GRIA2: variants seen among roughly 807,000 people sequenced by gnomAD.
GRIA2 encodes glutamate receptor 2.
A neutral mutation model predicts 97.3 loss-of-function variants in GRIA2; 14 were observed. The observed-to-expected ratio is 0.14, with a 90% CI of 0.10 to 0.23. GRIA2 has a LOEUF of 0.23. Ranked by LOEUF, GRIA2 falls within the 10% of genes least tolerant of loss-of-function variation. The pLI, the probability that GRIA2 is intolerant of heterozygous loss-of-function variation, is 1.00. For missense variants in GRIA2, 558 were observed against 1,069.8 expected, an observed-to-expected ratio of 0.52 and a Z score of 6.67; for synonymous variants, 412 against 387.8, an observed-to-expected ratio of 1.06 and a Z score of -0.73.
At position 157,341,265 on chromosome 4, in the gene GRIA2, T is replaced by A; in HGVS notation, c.1846T>A (p.Ser616Thr). 6.2e-7 allele frequency: 1 copy of A among 1,605,610 alleles called. No individual in the cohort carries two copies. The highest frequency in any genetic ancestry group is 8.5e-7 in the Non-Finnish European group (1 of 1,172,588). ...AATCCATTTCATACTTGTTATTAGA[T>A]CCCTCTCTGGGCGCATTGTTGGAGG... ...MQQGCDISPR[S>T]LSGRIVGGVW... Residue 616 changes from serine (S) to threonine (T), a missense_variant and splice_region_variant, in exon 12 of 16, where the codon TCC (serine) becomes ACC (threonine). Ser to Thr is a moderately conservative substitution (Grantham distance 58, BLOSUM62 1). Transcript: ENST00000264426.
intron 2 of GRIA2, chr4:157,249,970 G>A (rs1004396346): frequency 1.1e-4 from 16 of 152,002 alleles, no homozygotes; most frequent in Non-Finnish European, 1.6e-4. Context: ...ATTATATATT[G>A]TTTTTATTTT....
intron 2 of GRIA2, among the ~76,000 whole-genome samples, chr4:157,267,502 A>C (rs1210203656): frequency 6.6e-6 from 1 of 151,558 alleles, no homozygotes; most frequent in East Asian, 1.9e-4. Flanking sequence ...CATTTTTGTT[A>C]TTAAAGACCT....
chr4:157,296,527 T>G (rs1485389053), intron 2 of GRIA2, among the ~76,000 whole-genome samples: 1 of 152,154 alleles, frequency 6.6e-6, no homozygotes, highest in East Asian at 1.9e-4. Flanking sequence ...TAATTTATAA[T>G]TTTTTCCAGT....
chr4:157,305,162 C>A (rs1733788507), intron 3 of GRIA2, among the ~76,000 whole-genome samples: 1 of 151,980 alleles, frequency 6.6e-6, no homozygotes, highest in South Asian at 2.1e-4. Flanking sequence ...TTTAGTTTTT[C>A]CTCTTGTTCT....
rs1011340853 is a variant in GRIA2 at position 157,294,510 on chromosome 4, G to A, written c.230-9042G>A. ...GGAAAGAAGAAATATAAAACAAAGA[G>A]GAAGAAATGTAAAACAAAGAGGAAG... On this transcript the variant is annotated intron_variant, in intron 2 of 15. Coordinates refer to ENST00000264426, the MANE Select transcript of GRIA2 (RefSeq NM_001083619.3). Among the ~76,000 whole-genome samples, 56 of 151,518 alleles carry A rather than the reference G, an allele frequency of 3.7e-4. 1 individual carries two copies. Among genetic ancestry groups the A allele is most frequent in the East Asian group, 9.7e-4 (5 of 5,150 alleles).
intron 12 of GRIA2, among the ~76,000 whole-genome samples, chr4:157,349,955 T>A (rs1032865264): frequency 1.7e-4 from 26 of 152,176 alleles, no homozygotes; most frequent in African/African-American, 6.3e-4. Flanking sequence ...CAAATTAGTT[T>A]CCAAATTCTG....
At chr4:157,343,328 G>T (rs1254562280) in intron 12 of GRIA2, among the ~76,000 whole-genome samples, 2 of 152,008 alleles carry the variant, frequency 1.3e-5, no homozygotes, top group Non-Finnish European at 2.9e-5. Context: ...TTTGATATCT[G>T]TGCATTATTA....
chr4:157,311,913 G>T (rs1014968953), intron 3 of GRIA2, among the ~76,000 whole-genome samples: 3 of 151,848 alleles, frequency 2.0e-5, no homozygotes, highest in Non-Finnish European at 4.4e-5. Flanking sequence ...TAAATATGAG[G>T]TAATATATGG....
chr4:157,308,750 A>T (rs1387943023), intron 3 of GRIA2, among the ~76,000 whole-genome samples: 1 of 152,148 alleles, frequency 6.6e-6, no homozygotes, highest in Non-Finnish European at 1.5e-5. Flanking sequence ...CTTCTGTGCT[A>T]GTTTGTGTGG....
At position 157,277,872 on chromosome 4, in the gene GRIA2, GTATATATATGTATATATGTA is replaced by G. The variant is rs1390891522; in HGVS notation, c.230-25652_230-25633del. 6.4e-3 allele frequency among the ~76,000 whole-genome samples: 921 copies of G among 143,132 alleles called. 10 individuals are homozygous for G. The highest frequency in any genetic ancestry group is 0.012 in the South Asian group (55 of 4,532). 93.9% of individuals were successfully genotyped at this position (143,132 alleles called of 152,430 possible). ...TATATATGTATATATATGTATATAT[GTATATATATGTATATATGTA>G]TATATATATGTATATATGTATATAT... is the stretch of plus-strand genomic sequence containing the variant. On this transcript the variant is annotated intron_variant, in intron 2 of 15. Coordinates refer to ENST00000264426, the MANE Select transcript of GRIA2 (RefSeq NM_001083619.3).
intron 5 of GRIA2, among the ~76,000 whole-genome samples, chr4:157,320,649 G>C (rs1322338539): frequency 6.6e-6 from 1 of 152,020 alleles, no homozygotes; most frequent in African/African-American, 2.4e-5. Flanking sequence ...GTTTTGGGGT[G>C]TGGTAATTCA....
intron 4 of GRIA2, among the ~76,000 whole-genome samples, chr4:157,315,506 T>C (rs561963714): frequency 4.1e-5 from 6 of 147,784 alleles, no homozygotes; most frequent in Non-Finnish European, 8.9e-5. Flanking sequence ...TATTAGGCTA[T>C]GGGTTTTTTT....
At chr4:157,267,725 G>T (rs1263446584) in intron 2 of GRIA2, among the ~76,000 whole-genome samples, 1 of 152,022 alleles carries the variant, frequency 6.6e-6, no homozygotes, top group Admixed American at 6.6e-5. Context: ...TCACTTGTAA[G>T]AATAGAGACT....
At chr4:157,313,191 A>G (rs1174937774) in intron 4 of GRIA2, among the ~76,000 whole-genome samples, 1 of 152,124 alleles carries the variant, frequency 6.6e-6, no homozygotes, top group East Asian at 1.9e-4. Context: ...AGTCTGATGA[A>G]CTTTTTAGAG....
At chr4:157,309,921 A>AT (rs1560759344) in intron 3 of GRIA2, among the ~76,000 whole-genome samples, 12 of 152,216 alleles carry the variant, frequency 7.9e-5, no homozygotes, top group Non-Finnish European at 1.5e-4. Context: ...TGAATAGCAC[A>AT]GAGACCCCCA....
intron 12 of GRIA2, among the ~76,000 whole-genome samples, chr4:157,346,187 A>G (rs990999602): frequency 6.6e-6 from 1 of 152,100 alleles, no homozygotes; most frequent in Non-Finnish European, 1.5e-5. Context: ...TTATATTTAC[A>G]TATGAAAACG....
intron 2 of GRIA2, among the ~76,000 whole-genome samples, chr4:157,227,482 A>G (rs1481449060): frequency 1.3e-5 from 2 of 152,152 alleles, no homozygotes; most frequent in African/African-American, 4.8e-5. Flanking sequence ...TTCCCTTTTT[A>G]TAAAAAAGTC....
chr4:157,277,425 A>G (rs986802342), intron 2 of GRIA2, among the ~76,000 whole-genome samples: 1 of 151,902 alleles, frequency 6.6e-6, no homozygotes, highest in Non-Finnish European at 1.5e-5. Context: ...AGCTAATGCC[A>G]TACTTATTGT....
chr4:157,264,234 C>G (rs956748767), intron 2 of GRIA2, among the ~76,000 whole-genome samples: 1 of 152,002 alleles, frequency 6.6e-6, no homozygotes, highest in South Asian at 2.1e-4. Flanking sequence ...TTTTACAGTT[C>G]TGGAGGTTAG....
Sources: gnomAD v4.1 joint callset for allele counts (sites outside exome capture counted in the v4.1 genomes callset) on GRCh38, gnomAD v4.1.1 for gene constraint, MANE v1.5 for transcripts, NCBI Gene and HGNC (gene_info 2026-07-23, HGNC 2026-07-21) for gene names.